KMT2D: variants seen among roughly 807,000 people sequenced by gnomAD.
KMT2D encodes the protein lysine methyltransferase 2D, also known as histone-lysine N-methyltransferase 2D.
KMT2D carries 55 observed loss-of-function variants against 512.7 expected under a neutral mutation model. That is an observed-to-expected ratio of 0.11 (90% CI 0.09 to 0.13). The LOEUF (loss-of-function observed/expected upper bound fraction) is 0.13. Ranked by LOEUF, KMT2D falls within the 10% of genes least tolerant of loss-of-function variation. KMT2D has a pLI of 1.00. For missense variants in KMT2D, 6,061 were observed against 7,127.9 expected, an observed-to-expected ratio of 0.85 and a Z score of 5.39; for synonymous variants, 2,995 against 2,904.0, an observed-to-expected ratio of 1.03 and a Z score of -1.01.
In KMT2D at chr12:49,033,858, A is replaced by T; in HGVS notation, c.10847T>A (p.Val3616Glu). 1 of 1,556,984 alleles carries T rather than the reference A, an allele frequency of 6.4e-7. No homozygotes were observed. The highest frequency in any genetic ancestry group is 2.3e-5 in the East Asian group (1 of 42,706). Residue 3616 changes from valine (V) to glutamate (E), a missense_variant, in exon 40 of 55, where the codon GTG becomes GAG. Around this residue, in one of 16 missense-constraint regions of KMT2D, gnomAD observed 1,600 missense variants for 1,754.9 expected, o/e 0.91. Coordinates refer to ENST00000301067, the MANE Select transcript of KMT2D (RefSeq NM_003482.4). ...QQQQQQQHSA[V>E]LALSPSQSPR... Reference sequence around the variant, plus strand: ...ACTCTGGGAAGGGCTGAGAGCCAGCACAGCTGAGTGCTGTTGCTGTTGTTG... The same window carrying T: ...ACTCTGGGAAGGGCTGAGAGCCAGCTCAGCTGAGTGCTGTTGCTGTTGTTG...
intron 49 of KMT2D, among the ~76,000 whole-genome samples, chr12:49,025,707 G>A (rs1186108527): frequency 6.6e-6 from 1 of 152,174 alleles, no homozygotes; most frequent in Non-Finnish European, 1.5e-5. Context: ...TCATAGGGTT[G>A]TATGAACAAA....
rs748284364 is a variant in KMT2D at position 49,051,296 on chromosome 12, T to C, written c.2387A>G (p.His796Arg). ...PHLSPQAEGP[H>R]LSPQPEELHL... ...CAATTCCTCAGGCTGAGGGGACAGA[T>C]GTGGTCCCTCAGCCTGGGGGGACAA... Residue 796 changes from histidine to arginine, a missense_variant, in exon 11 of 55, where the codon CAT becomes CGT. His to Arg is a conservative substitution (Grantham distance 29). Around this residue, in one of 16 missense-constraint regions of KMT2D, gnomAD observed 848 missense variants for 838.5 expected, o/e 1.01. Coordinates refer to ENST00000301067, the MANE Select transcript of KMT2D (RefSeq NM_003482.4). 2 of 1,553,558 alleles carry C rather than the reference T, an allele frequency of 1.3e-6. No individual in the cohort carries two copies. Among genetic ancestry groups the C allele is most frequent in the Non-Finnish European group, 1.7e-6 (2 of 1,149,572 alleles).
rs746085488 is a variant in KMT2D at position 49,041,374 on chromosome 12, G to A, written c.6396C>T (p.Pro2132=). 2.2e-4 allele frequency: 343 copies of A among 1,594,708 alleles called. 1 individual carries two copies. Among genetic ancestry groups the A allele is most frequent in the East Asian group, 1.2e-3 (53 of 44,702 alleles). ...PTIFIGSPTT[P]AGLSTSADGF... ...CGTCCGCAGAGGTAGACAAGCCGGC[G>A]GGGGTAGTGGGGCTGCCAATGAAAA... is the stretch of plus-strand genomic sequence containing the variant. The change falls in exon 32 of 55, where the codon CCC becomes CCT. Residue 2132 remains proline, a synonymous_variant. Coordinates refer to ENST00000301067, the MANE Select transcript of KMT2D (RefSeq NM_003482.4). This position sits in a 1 kb window ranked among gnomAD's most constrained non-coding sequence, Gnocchi z 5.4.
rs1266088226 is a variant in KMT2D at position 49,043,083 on chromosome 12, G to A, written c.5637C>T (p.Ser1879=). The change falls in exon 26 of 55, where the codon TCC becomes TCT. Residue 1879 remains serine, a synonymous_variant. Coordinates refer to ENST00000301067, the MANE Select transcript of KMT2D (RefSeq NM_003482.4). ...TACGGGTCACAGCCTCACCTTCTGTGGAAATCCTGTCTAAGTCAGAGCTAA... is the reference window on the plus strand; with the variant it reads ...TACGGGTCACAGCCTCACCTTCTGTAGAAATCCTGTCTAAGTCAGAGCTAA... ...GMLSSDLDRI[S]TEELPKMESK... 1 of 1,613,224 alleles carries A rather than the reference G, an allele frequency of 6.2e-7. No individual in the cohort carries two copies. Among genetic ancestry groups the A allele is most frequent in the Admixed American group, 1.7e-5 (1 of 60,018 alleles).
chr12:49,050,974 A>T lies in KMT2D; in HGVS notation c.2709T>A (p.Pro903=), dbSNP rs2120660982. The T allele has an allele frequency of 6.4e-7, 1 of 1,562,650 alleles. No individual in the cohort carries two copies. The highest frequency in any genetic ancestry group is 8.7e-7 in the Non-Finnish European group (1 of 1,155,828). ...PLLGEPALSE[P]GEPPLSPLPE... ...GCAGAGGGGACAGAGGTGGTTCCCC[A>T]GGCTCAGACAGGGCTGGCTCTCCAA... The change falls in exon 11 of 55, where the codon CCT becomes CCA. Residue 903 remains proline, a synonymous_variant. Transcript: ENST00000301067.
chr12:49,029,546 T>C (rs1446142687), intron 43 of KMT2D, 70 bp from the exon 44 acceptor site: 2 of 1,154,568 alleles, frequency 1.7e-6, no homozygotes, highest in East Asian at 2.6e-5. Flanking sequence ...TCTCCCAATA[T>C]TTTAGGCCTA....
Position 49,042,009 on chromosome 12 carries a change from G to A in KMT2D, c.6110-19C>T, listed in dbSNP as rs774070422. On this transcript the variant is annotated intron_variant, in intron 29 of 54. Coordinates refer to ENST00000301067, the MANE Select transcript of KMT2D (RefSeq NM_003482.4). The surrounding 1 kb of genome is among the most constrained non-coding windows in gnomAD (Gnocchi z 4.4). ...GACCAGTCTGGAGGGCAGAGAGAGTGAGTCAGAGAAGACTTGGCAGGCGAC... is the reference window on the plus strand; with the variant it reads ...GACCAGTCTGGAGGGCAGAGAGAGTAAGTCAGAGAAGACTTGGCAGGCGAC... 4 of 1,612,232 alleles carry A rather than the reference G, an allele frequency of 2.5e-6. No individual in the cohort carries two copies. The African/African-American group carries it at 5.3e-5, about 22-fold the overall frequency.
At position 49,040,516 on chromosome 12, in the gene KMT2D, C is replaced by A. The variant is rs1414066964; in HGVS notation, c.7254G>T (p.Gln2418His). Residue 2418 changes from glutamine (Q) to histidine (H), a missense_variant, in exon 32 of 55, where the codon CAG (glutamine) becomes CAT (histidine). Gln to His is a conservative substitution (Grantham distance 24). This residue lies in a region of KMT2D where 710 missense variants were observed against 647.3 expected (regional missense o/e 1.10). Transcript: ENST00000301067. ...GTGTCAGTGGAGACTGGGAGCTGGA[C>A]TGGGACTGAGGACTGGCAGGCACTC... ...FSRVPASPQS[Q>H]SSSQSPLTPR... 6.3e-6 allele frequency: 10 copies of A among 1,598,178 alleles called. No individual in the cohort carries two copies. The South Asian group carries it at 9.0e-5, about 14-fold the overall frequency.
In KMT2D at chr12:49,019,168, T is replaced by C; in HGVS notation, c.*2612A>G. The C allele has an allele frequency of 8.9e-7, 1 of 1,119,234 alleles. No homozygotes were observed. Among genetic ancestry groups the C allele is most frequent in the Non-Finnish European group, 1.1e-6 (1 of 910,032 alleles). The allele number at this position is 1,119,234 out of a possible 1,614,324, so 69.3% of individuals were successfully genotyped here. On this transcript the variant is annotated 3_prime_UTR_variant, in exon 55 of 55. Transcript: ENST00000301067. ...CGCTTTAAAAAAGGGAACCATTTCA[T>C]CCGTTGTTACGAAGGACCAACCTTG...
In KMT2D at chr12:49,033,788, A is replaced by G. The variant is rs2120446904; in HGVS notation, c.10917T>C (p.His3639=). 6.2e-7 allele frequency: 1 copy of G among 1,603,474 alleles called. No individual in the cohort carries two copies. The highest frequency in any genetic ancestry group is 8.5e-7 in the Non-Finnish European group (1 of 1,175,064). The change falls in exon 40 of 55, where the codon CAT becomes CAC. Residue 3639 remains histidine (H), a synonymous_variant. Transcript: ENST00000301067. ...TKLPGQLLPG[H]GLQPPQGPPG... The stretch of plus-strand genomic sequence containing the variant: ...GAGGCCCCTGTGGTGGCTGCAGCCC[A>G]TGGCCAGGGAGCAGCTGACCAGGGA...
At position 49,042,179 on chromosome 12, in the gene KMT2D, C is replaced by G. The variant is rs764256829; in HGVS notation, c.6019G>C (p.Glu2007Gln). The G allele has an allele frequency of 6.2e-7, 1 of 1,611,844 alleles. No homozygotes were observed. The highest frequency in any genetic ancestry group is 8.5e-7 in the Non-Finnish European group (1 of 1,179,108). Residue 2007 changes from glutamate to glutamine, a missense_variant, in exon 29 of 55, where the codon GAG becomes CAG. By Grantham distance (29) the Glu-to-Gln change is conservative. Transcript: ENST00000301067. The surrounding 1 kb of genome is among the most constrained non-coding windows in gnomAD (Gnocchi z 4.4). The part of the protein sequence containing the change: ...SYNQRSLQRW[E>Q]KDEELGQLST... ...AGCTGGCCCAACTCCTCATCCTTCT[C>G]CCAGCGCTGAAGACTCCGCTGGTTA... is the stretch of plus-strand genomic sequence containing the variant.
At position 49,033,726 on chromosome 12, in the gene KMT2D, C is replaced by G. The variant is rs201702616; in HGVS notation, c.10979G>C (p.Gly3660Ala). Residue 3660 changes from glycine (G) to alanine (A), a missense_variant, in exon 40 of 55, where the codon GGG becomes GCG. Transcript: ENST00000301067. The part of the protein sequence containing the change: ...GQAGGLRLTP[G>A]GMALPGQPGG... ...AGGCTGTCCAGGTAGTGCCATACCC[C>G]CAGGGGTCAGGCGAAGACCTCCGGC... The G allele has an allele frequency of 5.0e-6, 8 of 1,613,440 alleles. 1 individual carries two copies. The highest frequency in any genetic ancestry group is 2.2e-5 in the East Asian group (1 of 44,872).
In KMT2D at chr12:49,041,479, A is replaced by G. The variant is rs2120547592; in HGVS notation, c.6291T>C (p.Thr2097=). ...TGCGGAGATGTAGGGCCGGTCGGTC[A>G]GTCTTACGGGCTATGTCGCCCACCT... ...QTKVGDIARK[T]DRPALHLRIP... is the part of the protein sequence containing the mutation. Residue 2097 remains threonine, a synonymous_variant, in exon 32 of 55, where the codon ACT becomes ACC. Transcript: ENST00000301067. The surrounding 1 kb of genome is among the most constrained non-coding windows in gnomAD (Gnocchi z 5.4). The G allele has an allele frequency of 6.2e-7, 1 of 1,613,554 alleles. No individual in the cohort carries two copies. Among genetic ancestry groups the G allele is most frequent in the Non-Finnish European group, 8.5e-7 (1 of 1,179,640 alleles).
chr12:49,027,383 C>T (rs2120372829), intron 48 of KMT2D, 61 bp from the exon 49 acceptor site: 1 of 1,376,648 alleles, frequency 7.3e-7, no homozygotes, highest in Admixed American at 2.5e-5. Flanking sequence ...TCCCTCCTTC[C>T]CCTCACCCAT....
chr12:49,050,961 G>A lies in KMT2D; in HGVS notation c.2722C>T (p.Leu908=), dbSNP rs2120660720. The change falls in exon 11 of 55, where the codon CTG becomes TTG. Residue 908 remains leucine, a synonymous_variant. Transcript: ENST00000301067. ...PALSEPGEPP[L]SPLPEELPLS... is the part of the protein sequence containing the mutation. ...GGCAGCTCCTCGGGCAGAGGGGACA[G>A]AGGTGGTTCCCCAGGCTCAGACAGG... 6 of 1,559,646 alleles carry A rather than the reference G, an allele frequency of 3.8e-6. No homozygotes were observed. The highest frequency in any genetic ancestry group is 5.2e-6 in the Non-Finnish European group (6 of 1,154,236).
At position 49,037,673 on chromosome 12, in the gene KMT2D, G is replaced by A. The variant is rs1400868706; in HGVS notation, c.9683C>T (p.Ala3228Val). Reference sequence around the variant, plus strand: ...CATCTTGTCTAGCTCATCCCCAGATGCTGCAGGTCCACCAGGCAAGGTCAA... The same window carrying A: ...CATCTTGTCTAGCTCATCCCCAGATACTGCAGGTCCACCAGGCAAGGTCAA... ...GALTLPGGPA[A>V]SGDELDKMES... Residue 3228 changes from alanine (A) to valine (V), a missense_variant, in exon 35 of 55, where the codon GCA (alanine) becomes GTA (valine). By Grantham distance (64) the Ala-to-Val change is moderately conservative. Transcript: ENST00000301067. 3 of 1,583,588 alleles carry A rather than the reference G, an allele frequency of 1.9e-6. No individual in the cohort carries two copies. Among genetic ancestry groups the A allele is most frequent in the Non-Finnish European group, 2.6e-6 (3 of 1,164,772 alleles).
In KMT2D at chr12:49,022,993, G is replaced by A; in HGVS notation, c.16053-118C>T. 1 of 1,116,360 alleles carries A rather than the reference G, an allele frequency of 9.0e-7. No individual in the cohort carries two copies. The highest frequency in any genetic ancestry group is 1.6e-5 in the African/African-American group (1 of 63,478). The allele number at this position is 1,116,360 out of a possible 1,614,324, so 69.2% of individuals were successfully genotyped here. A position where few individuals can be genotyped will look rare whatever the true frequency, so the allele number is the denominator to read the frequency against. On this transcript the variant is annotated intron_variant, in intron 51 of 54. Transcript: ENST00000301067. This position sits in a 1 kb window ranked among gnomAD's most constrained non-coding sequence, Gnocchi z 8.6. The stretch of plus-strand genomic sequence containing the variant: ...CACCAGTTAGGGGCGTGTGCTGCTG[G>A]CAAGCACTGGAAGTGCAGCCTTGGG...
rs369591408 is a variant in KMT2D at position 49,051,499 on chromosome 12, T to C, written c.2184A>G (p.Leu728=). ...GGGGGCAGAGTTGCGGCTCCTCAGG[T>C]AGTGGCAACAGGGGTGACTCCTCCA... ...LPLEESPLLP[L]PEEPQLCPRS... is the part of the protein sequence containing the mutation. The change falls in exon 11 of 55, where the codon CTA becomes CTG. Residue 728 remains leucine, a synonymous_variant. Transcript: ENST00000301067. 2.2e-5 allele frequency: 36 copies of C among 1,612,822 alleles called. No individual in the cohort carries two copies. In the Admixed American group the frequency reaches 2.3e-4, roughly 10 times the overall value.
chr12:49,046,180 G>C lies in KMT2D; in HGVS notation c.4584-6C>G, dbSNP rs1253181450. The C allele has an allele frequency of 4.3e-6, 7 of 1,611,672 alleles. No individual in the cohort carries two copies. Among genetic ancestry groups the C allele is most frequent in the Admixed American group, 1.7e-5 (1 of 59,528 alleles). On this transcript the variant is annotated splice_polypyrimidine_tract_variant and splice_region_variant and intron_variant, in intron 17 of 54. Transcript: ENST00000301067. This position sits in a 1 kb window ranked among gnomAD's most constrained non-coding sequence, Gnocchi z 4.2. ...CACAGCCTGCATGCATCCACCTGGA[G>C]AACAGAGACTGGAGGAAATAAGCTC...
Sources: gnomAD v4.1 joint callset for allele counts (sites outside exome capture counted in the v4.1 genomes callset) on GRCh38, gnomAD v4.1.1 for gene constraint, gnomAD v4.1.1 regional missense constraint, Gnocchi (gnomAD v3.1) non-coding constraint, MANE v1.5 for transcripts, NCBI Gene and HGNC (gene_info 2026-07-23, HGNC 2026-07-21) for gene names.